The following TRAPPC4 variants were observed in gnomAD, a reference collection of about 807,000 sequenced individuals.
TRAPPC4 encodes trafficking protein particle complex subunit 4.
In TRAPPC4, 30 loss-of-function variants were observed where a neutral mutation model predicts 23.5. The ratio of observed to expected loss-of-function variants is 1.28; its 90% confidence interval spans 0.96 to 1.73. TRAPPC4 has a LOEUF of 1.73. Ranked by LOEUF, TRAPPC4 falls within the 40% of genes most tolerant of loss-of-function variation. The probability of loss-of-function intolerance (pLI) is 0.00; values close to 1 mark genes in which losing one functional copy is unlikely to be tolerated. For synonymous variants in TRAPPC4, 129 were observed against 105.3 expected, an observed-to-expected ratio of 1.23 and a Z score of -1.38; for missense variants, 252 against 268.9, an observed-to-expected ratio of 0.94 and a Z score of 0.44.
At chr11:119,020,023 G>C (rs1195762032) in intron 2 of TRAPPC4, 127 bp from the exon 3 acceptor site, 1 of 573,836 alleles carries the variant, frequency 1.7e-6, no homozygotes, top group African/African-American at 1.9e-5. Context: ...ACTACTGCCA[G>C]TCAGTTCACA....
Position 119,019,128 on chromosome 11 carries a change from G to A in TRAPPC4, c.176-15G>A. The A allele has an allele frequency of 6.2e-7, 1 of 1,610,468 alleles. No homozygotes were observed. Among genetic ancestry groups the A allele is most frequent in the Non-Finnish European group, 8.5e-7 (1 of 1,177,060 alleles). ...CGGGCTGCACCTTCGCTGACCGTTA[G>A]CTTCACCTCTGCAGTGGGTCATGCA... On this transcript the variant is annotated splice_polypyrimidine_tract_variant and intron_variant, in intron 1 of 4. Coordinates refer to ENST00000533632, the MANE Select transcript of TRAPPC4 (RefSeq NM_016146.6).
chr11:119,019,041 G>T lies in TRAPPC4; in HGVS notation c.175+71G>T, dbSNP rs1260608657. The T allele has an allele frequency of 5.0e-6, 8 of 1,589,780 alleles. No individual in the cohort carries two copies. In the South Asian group the frequency reaches 6.7e-5, roughly 13 times the overall value. On this transcript the variant is annotated intron_variant, in intron 1 of 4. Coordinates refer to ENST00000533632, the MANE Select transcript of TRAPPC4 (RefSeq NM_016146.6). ...CCAGTGCTGTAGAAGTGGGCTGGTTGTAGGTGCGGGGTTGGGGGAAAAGGG... is the reference window on the plus strand; with the variant it reads ...CCAGTGCTGTAGAAGTGGGCTGGTTTTAGGTGCGGGGTTGGGGGAAAAGGG...
chr11:119,019,334 C>T lies in TRAPPC4; in HGVS notation c.350+17C>T, dbSNP rs1943268630. The T allele has an allele frequency of 2.5e-6, 4 of 1,602,280 alleles. No homozygotes were observed. The highest frequency in any genetic ancestry group is 1.3e-5 in the African/African-American group (1 of 74,660). On this transcript the variant is annotated intron_variant, in intron 2 of 4. Coordinates refer to ENST00000533632, the MANE Select transcript of TRAPPC4 (RefSeq NM_016146.6). ...GTTCCACTCGTAAGTCCCCCGTCTC[C>T]TGAACGGCAGCGCTTGTAATTTGTC... is the stretch of plus-strand genomic sequence containing the variant.
At chr11:119,021,922 G>A (rs368546770) in intron 4 of TRAPPC4, 36 bp downstream of exon 4, 91 of 1,610,130 alleles carry the variant, frequency 5.7e-5, no homozygotes, top group East Asian at 1.6e-4. Context: ...TGTTTAAAGC[G>A]TCCTTGCCCC....
rs532470549 is a variant in TRAPPC4 at position 119,023,895 on chromosome 11, TATG to T, written c.*512_*514del. 5 of 153,914 alleles carry T rather than the reference TATG, an allele frequency of 3.2e-5. No individual in the cohort carries two copies. Among genetic ancestry groups the T allele is most frequent in the Admixed American group, 6.4e-5 (1 of 15,590 alleles). 9.5% of individuals were successfully genotyped at this position (153,914 alleles called of 1,614,324 possible). Reference sequence around the variant, plus strand: ...TGGTGGCAGCAGTGGTGGTGGCTGTTATGATGATGATGATGATGGAACATATTT... The same window carrying T: ...TGGTGGCAGCAGTGGTGGTGGCTGTTATGATGATGATGATGGAACATATTT... On this transcript the variant is annotated 3_prime_UTR_variant, in exon 5 of 5. Transcript: ENST00000533632.
Position 119,019,235 on chromosome 11 carries a change from G to A in TRAPPC4, c.268G>A (p.Ala90Thr). 6.2e-7 allele frequency: 1 copy of A among 1,614,138 alleles called. No individual in the cohort carries two copies. Among genetic ancestry groups the A allele is most frequent in the Non-Finnish European group, 8.5e-7 (1 of 1,179,964 alleles). The change falls in exon 2 of 5, where the codon GCT becomes ACT. Residue 90 changes from alanine to threonine, a missense_variant. By Grantham distance (58) the Ala-to-Thr change is moderately conservative (BLOSUM62 0). Coordinates refer to ENST00000533632, the MANE Select transcript of TRAPPC4 (RefSeq NM_016146.6). ...GGTGCTGGAGTATCTGGGTAACCCT[G>A]CTAATTACCCGGTGTCCATTCGATT... ...KEVLEYLGNP[A>T]NYPVSIRFGR...
At chr11:119,020,390 G>C (rs1943322741) in intron 3 of TRAPPC4, 137 bp downstream of exon 3, 1 of 646,996 alleles carries the variant, frequency 1.5e-6, no homozygotes. Flanking sequence ...GACACCTTTG[G>C]TAAGCAAGAA....
rs782489473 is a variant in TRAPPC4, at chr11:119,020,139, T to G, written c.351-11T>G. ...CCTTCCTTAGAGCAACTTTGCCTCC[T>G]TTGCATATAGGCTCTTTGCCATCGG... On this transcript the variant is annotated splice_polypyrimidine_tract_variant and intron_variant, in intron 2 of 4. Transcript: ENST00000533632. 2 of 1,609,670 alleles carry G rather than the reference T, an allele frequency of 1.2e-6. No homozygotes were observed. The highest frequency in any genetic ancestry group is 1.7e-6 in the Non-Finnish European group (2 of 1,176,480).
chr11:119,023,231 T>C, intron 4 of TRAPPC4, 90 bp from the exon 5 acceptor site: 4 of 1,241,380 alleles, frequency 3.2e-6, no homozygotes, highest in Non-Finnish European at 3.5e-6. Context: ...TTCCATGATA[T>C]ATGTTGTTCT....
At position 119,019,133 on chromosome 11, in the gene TRAPPC4, A is replaced by T. The variant is rs782467852; in HGVS notation, c.176-10A>T. 6.2e-7 allele frequency: 1 copy of T among 1,611,606 alleles called. No individual in the cohort carries two copies. The highest frequency in any genetic ancestry group is 8.5e-7 in the Non-Finnish European group (1 of 1,178,190). ...TGCACCTTCGCTGACCGTTAGCTTC[A>T]CCTCTGCAGTGGGTCATGCAGTGCT... On this transcript the variant is annotated splice_polypyrimidine_tract_variant and intron_variant, in intron 1 of 4. Coordinates refer to ENST00000533632, the MANE Select transcript of TRAPPC4 (RefSeq NM_016146.6).
Position 119,020,304 on chromosome 11 carries a change from A to C in TRAPPC4, c.454+51A>C, listed in dbSNP as rs370079539. ...GAGTGTGATGGAGAAGGTGGGGAAG[A>C]GATACTGATAAGTTTGCATCTCCAG... On this transcript the variant is annotated intron_variant, in intron 3 of 4. Transcript: ENST00000533632. The C allele has an allele frequency of 6.2e-6, 9 of 1,461,416 alleles. No homozygotes were observed. The African/African-American group carries it at 6.9e-5, about 11-fold the overall frequency. The allele number at this position is 1,461,416 out of a possible 1,614,324, so 90.5% of individuals were successfully genotyped here.
chr11:119,022,494 G>A (rs1378784837), intron 4 of TRAPPC4, among the ~76,000 whole-genome samples: 5 of 152,122 alleles, frequency 3.3e-5, no homozygotes, highest in African/African-American at 7.2e-5. Context: ...AAGCTGAGGC[G>A]GGAGGATTGC....
rs1462132285 is a variant in TRAPPC4 at position 119,023,763 on chromosome 11, A to T, written c.*364A>T. ...TCTGGGAAGATGATTATGTGCTAGT[A>T]AAAAACATAACAAATATGTGTTCAT... On this transcript the variant is annotated 3_prime_UTR_variant, in exon 5 of 5. Coordinates refer to ENST00000533632, the MANE Select transcript of TRAPPC4 (RefSeq NM_016146.6). 5.9e-6 allele frequency: 1 copy of T among 169,480 alleles called. No individual in the cohort carries two copies. Among genetic ancestry groups the T allele is most frequent in the East Asian group, 1.6e-4 (1 of 6,416 alleles). The allele number at this position is 169,480 out of a possible 1,614,324, so 10.5% of individuals were successfully genotyped here. A position where few individuals can be genotyped will look rare whatever the true frequency, so the allele number is the denominator to read the frequency against.
intron 4 of TRAPPC4, among the ~76,000 whole-genome samples, 174 bp downstream of exon 4, chr11:119,022,060 C>T (rs1943374840): frequency 6.6e-6 from 1 of 152,208 alleles, no homozygotes; most frequent in South Asian, 2.1e-4. Context: ...TCTTGGCTCG[C>T]TGTAACCTCT....
intron 2 of TRAPPC4, chr11:119,019,695 C>G (rs1565679907): frequency 4.7e-6 from 1 of 214,108 alleles, no homozygotes; most frequent in Non-Finnish European, 9.6e-6. Context: ...CCTGCCTCGG[C>G]TTCCCAAAGT....
In TRAPPC4 at chr11:119,021,882, A is replaced by G. The variant is rs781937958; in HGVS notation, c.577A>G (p.Ile193Val). 4 of 1,614,144 alleles carry G rather than the reference A, an allele frequency of 2.5e-6. No homozygotes were observed. Among genetic ancestry groups the G allele is most frequent in the South Asian group, 1.1e-5 (1 of 91,088 alleles). Reference protein sequence around the residue: ...KNPFYSLEMPIRCELFDQNLK... With the variant: ...KNPFYSLEMPVRCELFDQNLK... ...TCCATTCTATTCCTTAGAAATGCCT[A>G]TCAGGTAAGTGGCCCCACTTCCCAG... Residue 193 changes from isoleucine to valine, a missense_variant, in exon 4 of 5, where the codon ATC (isoleucine) becomes GTC (valine). Physicochemically the swap from Ile to Val is conservative, Grantham distance 29 (BLOSUM62 3). Transcript: ENST00000533632.
chr11:119,019,123 C>T lies in TRAPPC4; in HGVS notation c.176-20C>T. 3.1e-6 allele frequency: 5 copies of T among 1,608,736 alleles called. No homozygotes were observed. The highest frequency in any genetic ancestry group is 1.1e-5 in the South Asian group (1 of 90,948). ...ATCCCCGGGCTGCACCTTCGCTGACCGTTAGCTTCACCTCTGCAGTGGGTC... is the reference window on the plus strand; with the variant it reads ...ATCCCCGGGCTGCACCTTCGCTGACTGTTAGCTTCACCTCTGCAGTGGGTC... On this transcript the variant is annotated intron_variant, in intron 1 of 4. Transcript: ENST00000533632.
At chr11:119,022,966 T>TG (rs1565683274) in intron 4 of TRAPPC4, 1 of 139,692 alleles carries the variant, frequency 7.2e-6, no homozygotes, top group Non-Finnish European at 1.5e-5. Flanking sequence ...TGTTTTTTTT[T>TG]TTTTTTTTTT....
In TRAPPC4 at chr11:119,020,055, G is replaced by A. The variant is rs931307996; in HGVS notation, c.351-95G>A. The stretch of plus-strand genomic sequence containing the variant: ...CACACTACTTCTCCTGACTGTCCCA[G>A]GCTGTAATGTGAACTCCTCAGCAAA... On this transcript the variant is annotated intron_variant, in intron 2 of 4. Coordinates refer to ENST00000533632, the MANE Select transcript of TRAPPC4 (RefSeq NM_016146.6). The A allele has an allele frequency of 3.8e-6, 3 of 789,374 alleles. No homozygotes were observed. The South Asian group carries it at 4.9e-5, about 13-fold the overall frequency. The allele number at this position is 789,374 out of a possible 1,614,324, so 48.9% of individuals were successfully genotyped here. A position where few individuals can be genotyped will look rare whatever the true frequency, so the allele number is the denominator to read the frequency against.
Sources: gnomAD v4.1 joint callset for allele counts (sites outside exome capture counted in the v4.1 genomes callset) on GRCh38, gnomAD v4.1.1 for gene constraint, MANE v1.5 for transcripts, NCBI Gene and HGNC (gene_info 2026-07-23, HGNC 2026-07-21) for gene names.